The following KCTD7 variants were observed in gnomAD, a reference collection of about 807,000 sequenced individuals.
The protein encoded by KCTD7 is potassium channel tetramerization domain containing 7, also known as BTB/POZ domain-containing protein KCTD7.
In KCTD7, 15 loss-of-function variants were observed where a neutral mutation model predicts 27.0. That is an observed-to-expected ratio of 0.56 (90% CI 0.37 to 0.86). The LOEUF is 0.86. Ranked by LOEUF, KCTD7 falls within the 40% of genes least tolerant of loss-of-function variation. KCTD7 has a pLI of 0.00. For missense variants in KCTD7, 299 were observed against 398.9 expected (o/e 0.75, Z 2.13); for synonymous variants, 159 against 162.7 (o/e 0.98, Z 0.17).
rs980445767 is a variant in KCTD7 at position 66,640,309 on chromosome 7, C to T, written c.*1077C>T. The T allele has an allele frequency of 3.3e-6, 5 of 1,533,586 alleles. No homozygotes were observed. Among genetic ancestry groups the T allele is most frequent in the Non-Finnish European group, 4.4e-6 (5 of 1,144,990 alleles). The allele number at this position is 1,533,586 out of a possible 1,614,324, so 95.0% of individuals were successfully genotyped here. A position where few individuals can be genotyped will look rare whatever the true frequency, so the allele number is the denominator to read the frequency against. ...TTCCCTTTTGTTTTACTCCTCACTC[C>T]TCTATTTTTGTTTTACTCACTTCTT... On this transcript the variant is annotated 3_prime_UTR_variant, in exon 4 of 4. Coordinates refer to ENST00000639828, the MANE Select transcript of KCTD7 (RefSeq NM_153033.5).
At chr7:66,638,511 A>C in intron 3 of KCTD7, 80 bp downstream of exon 3, 1 of 1,422,818 alleles carries the variant, frequency 7.0e-7, no homozygotes, top group African/African-American at 1.4e-5. Flanking sequence ...TCTCCATCAG[A>C]ACACCGGGGG....
At chr7:66,630,800 A>C (rs1251570365) in intron 1 of KCTD7, among the ~76,000 whole-genome samples, 1 of 152,028 alleles carries the variant, frequency 6.6e-6, no homozygotes, top group Non-Finnish European at 1.5e-5. Context: ...CCAGGGCCCC[A>C]CCACCAGTTC....
At chr7:66,634,117 T>TATATAC (rs1554397961) in intron 2 of KCTD7, among the ~76,000 whole-genome samples, 5 of 132,664 alleles carry the variant, frequency 3.8e-5, no homozygotes, top group South Asian at 2.3e-4. Context: ...TGTATACATA[T>TATATAC]ATATATATAT....
At position 66,638,148 on chromosome 7, in the gene KCTD7, TAACACA is replaced by T. The variant is rs1584398981; in HGVS notation, c.315-104_315-99del. 68 of 1,185,608 alleles carry T rather than the reference TAACACA, an allele frequency of 5.7e-5. 1 individual carries two copies. The East Asian group carries it at 1.5e-3, about 27-fold the overall frequency. 73.4% of individuals were successfully genotyped at this position (1,185,608 alleles called of 1,614,324 possible). A position where few individuals can be genotyped will look rare whatever the true frequency, so the allele number is the denominator to read the frequency against. On this transcript the variant is annotated intron_variant, in intron 2 of 3. Transcript: ENST00000639828. The stretch of plus-strand genomic sequence containing the variant: ...AGTAGTTAAGTTCATTTACCCAGTG[TAACACA>T]GCTGGCAGTCTGGTTTTAGATTTTG...
At position 66,638,907 on chromosome 7, in the gene KCTD7, A is replaced by G; in HGVS notation, c.545A>G (p.Lys182Arg). ...GCCCGGCTGCGTGCGGTCCAGCGGA[A>G]GGCCCGCTTTGCCAAGCTCAAGGTC... ...EIARLRAVQR[K>R]ARFAKLKVCV... Residue 182 changes from lysine (K) to arginine (R), a missense_variant, in exon 4 of 4, where the codon AAG (lysine) becomes AGG (arginine). Physicochemically the swap from Lys to Arg is conservative, Grantham distance 26. Transcript: ENST00000639828. The G allele has an allele frequency of 1.2e-6, 2 of 1,614,170 alleles. No individual in the cohort carries two copies. The highest frequency in any genetic ancestry group is 1.1e-5 in the South Asian group (1 of 91,088).
chr7:66,633,641 T>C (rs1786507901), intron 2 of KCTD7, among the ~76,000 whole-genome samples, 197 bp downstream of exon 2: 1 of 151,734 alleles, frequency 6.6e-6, no homozygotes, highest in South Asian at 2.1e-4. Context: ...CCAGAGAAAT[T>C]CGAAATAACA....
Position 66,642,440 on chromosome 7 carries a change from A to G in KCTD7, c.*3208A>G. The G allele has an allele frequency of 2.0e-6, 2 of 985,412 alleles. No individual in the cohort carries two copies. 61.0% of individuals were successfully genotyped at this position (985,412 alleles called of 1,614,324 possible). ...CTGTTCTGGGCTGCTTGCTGGAGGA[A>G]TAGGAAGTGACATTTATAAGACACA... On this transcript the variant is annotated 3_prime_UTR_variant, in exon 4 of 4. Coordinates refer to ENST00000639828, the MANE Select transcript of KCTD7 (RefSeq NM_153033.5).
rs1584392905 is a variant in KCTD7 at position 66,629,211 on chromosome 7, A to G, written c.144+3A>G. The G allele has an allele frequency of 7.8e-7, 1 of 1,285,546 alleles. No homozygotes were observed. The highest frequency in any genetic ancestry group is 9.9e-7 in the Non-Finnish European group (1 of 1,006,864). 79.6% of individuals were successfully genotyped at this position (1,285,546 alleles called of 1,614,324 possible). Reference sequence around the variant, plus strand: ...CGCTGCCCCTGCTGCCACAGGAGGTACCCGGGCGGGCGGCGGGCCGCGGGG... The same window carrying G: ...CGCTGCCCCTGCTGCCACAGGAGGTGCCCGGGCGGGCGGCGGGCCGCGGGG... On this transcript the variant is annotated splice_donor_region_variant and intron_variant, in intron 1 of 3. Transcript: ENST00000639828.
In KCTD7 at chr7:66,640,353, T is replaced by A; in HGVS notation, c.*1121T>A. The A allele has an allele frequency of 6.5e-7, 1 of 1,536,960 alleles. No individual in the cohort carries two copies. The highest frequency in any genetic ancestry group is 8.7e-7 in the Non-Finnish European group (1 of 1,146,690). ...ACTTCTTTATATTTTGTTTTACTCC[T>A]CACTCCTGTATATTTTGGTTTACTT... On this transcript the variant is annotated 3_prime_UTR_variant, in exon 4 of 4. Transcript: ENST00000639828.
At chr7:66,629,716 AAAAG>A (rs1449119799) in intron 1 of KCTD7, among the ~76,000 whole-genome samples, 2 of 152,136 alleles carry the variant, frequency 1.3e-5, no homozygotes, top group Non-Finnish European at 2.9e-5. Flanking sequence ...ATGAATAAAA[AAAAG>A]AAAAGAAAAA....
In KCTD7 at chr7:66,641,605, C is replaced by T; in HGVS notation, c.*2373C>T. 3.0e-6 allele frequency: 3 copies of T among 985,446 alleles called. No homozygotes were observed. Among genetic ancestry groups the T allele is most frequent in the Non-Finnish European group, 3.6e-6 (3 of 829,946 alleles). The allele number at this position is 985,446 out of a possible 1,614,324, so 61.0% of individuals were successfully genotyped here. A position where few individuals can be genotyped will look rare whatever the true frequency, so the allele number is the denominator to read the frequency against. On this transcript the variant is annotated 3_prime_UTR_variant, in exon 4 of 4. Transcript: ENST00000639828. ...CTGTTTCTCTGACTCCCTTTGTGAT[C>T]CTCACAGTAATGTATTCTGTGCCAC...
chr7:66,640,554 G>GTC lies in KCTD7; in HGVS notation c.*1330_*1331dup, dbSNP rs971876368. ...AACATTTCCATGCTGCATTAAGGGTGTCTCTCTCTAATCATGATTGTACCT... is the reference window on the plus strand; with the variant it reads ...AACATTTCCATGCTGCATTAAGGGTGTCTCTCTCTCTAATCATGATTGTACCT... On this transcript the variant is annotated 3_prime_UTR_variant, in exon 4 of 4. Coordinates refer to ENST00000639828, the MANE Select transcript of KCTD7 (RefSeq NM_153033.5). 7.6e-6 allele frequency: 11 copies of GTC among 1,454,664 alleles called. No individual in the cohort carries two copies. Among genetic ancestry groups the GTC allele is most frequent in the Non-Finnish European group, 9.9e-6 (11 of 1,107,980 alleles). The allele number at this position is 1,454,664 out of a possible 1,614,324, so 90.1% of individuals were successfully genotyped here.
At chr7:66,634,634 C>T (rs1238666120) in intron 2 of KCTD7, among the ~76,000 whole-genome samples, 1 of 152,002 alleles carries the variant, frequency 6.6e-6, no homozygotes, top group Admixed American at 6.6e-5. Context: ...ATGGAGAGTA[C>T]CTTTAGACCT....
rs1023493281 is a variant in KCTD7 at position 66,639,454 on chromosome 7, C to T, written c.*222C>T. Reference sequence around the variant, plus strand: ...TGCGGCCTGCAGGCACTCCAGCCAGCGCTCACCTGGCCTTTCCTCAAGGCA... The same window carrying T: ...TGCGGCCTGCAGGCACTCCAGCCAGTGCTCACCTGGCCTTTCCTCAAGGCA... On this transcript the variant is annotated 3_prime_UTR_variant, in exon 4 of 4. Coordinates refer to ENST00000639828, the MANE Select transcript of KCTD7 (RefSeq NM_153033.5). 6.4e-5 allele frequency: 92 copies of T among 1,448,224 alleles called. No individual in the cohort carries two copies. Among genetic ancestry groups the T allele is most frequent in the Non-Finnish European group, 7.4e-5 (82 of 1,102,644 alleles). 89.7% of individuals were successfully genotyped at this position (1,448,224 alleles called of 1,614,324 possible).
At chr7:66,629,257 A>T in intron 1 of KCTD7, 49 bp downstream of exon 1, 1 of 763,180 alleles carries the variant, frequency 1.3e-6, no homozygotes, top group Non-Finnish European at 1.7e-6. Context: ...GGCGCGGGGG[A>T]GAAGCGGGCG....
Position 66,642,765 on chromosome 7 carries a change from C to CT in KCTD7, c.*3538dup. On this transcript the variant is annotated 3_prime_UTR_variant, in exon 4 of 4. Coordinates refer to ENST00000639828, the MANE Select transcript of KCTD7 (RefSeq NM_153033.5). Reference sequence around the variant, plus strand: ...GTTGGGAACTGGGGTGGGAGAGGCACTTTTTGGAATTCTGAAAGAATCATA... The same window carrying CT: ...GTTGGGAACTGGGGTGGGAGAGGCACTTTTTTGGAATTCTGAAAGAATCATA... 7.1e-6 allele frequency: 7 copies of CT among 984,946 alleles called. No homozygotes were observed. Among genetic ancestry groups the CT allele is most frequent in the Non-Finnish European group, 8.4e-6 (7 of 829,856 alleles). The allele number at this position is 984,946 out of a possible 1,614,324, so 61.0% of individuals were successfully genotyped here.
At position 66,628,966 on chromosome 7, in the gene KCTD7, G is replaced by T. The variant is rs1270004875; in HGVS notation, c.-99G>T. ...CTCGCCCCCCTCCGGCCAGCCCGCA[G>T]CCGGCCGCGTCATGCCAGGCGCTGC... On this transcript the variant is annotated 5_prime_UTR_variant, in exon 1 of 4. Transcript: ENST00000639828. 1.1e-5 allele frequency: 14 copies of T among 1,280,366 alleles called. No individual in the cohort carries two copies. Among genetic ancestry groups the T allele is most frequent in the Non-Finnish European group, 1.4e-5 (14 of 972,430 alleles). 79.3% of individuals were successfully genotyped at this position (1,280,366 alleles called of 1,614,324 possible). A position where few individuals can be genotyped will look rare whatever the true frequency, so the allele number is the denominator to read the frequency against.
Position 66,628,904 on chromosome 7 carries a change from T to G in KCTD7, c.-161T>G. Reference sequence around the variant, plus strand: ...CCAGCTGGGCGCGAGCGGGTCGGCGTTGAGGGAGCCACCGCCCTCCCGCCT... The same window carrying G: ...CCAGCTGGGCGCGAGCGGGTCGGCGGTGAGGGAGCCACCGCCCTCCCGCCT... On this transcript the variant is annotated 5_prime_UTR_variant, in exon 1 of 4. Transcript: ENST00000639828. 6 of 613,002 alleles carry G rather than the reference T, an allele frequency of 9.8e-6. No individual in the cohort carries two copies. The highest frequency in any genetic ancestry group is 1.5e-5 in the Non-Finnish European group (6 of 410,412). The allele number at this position is 613,002 out of a possible 1,614,324, so 38.0% of individuals were successfully genotyped here.
In KCTD7 at chr7:66,640,485, C is replaced by T. The variant is rs1429383107; in HGVS notation, c.*1253C>T. The stretch of plus-strand genomic sequence containing the variant: ...GCCAACTAGTCAGGGTCTGGACATG[C>T]ATCTCCTAAAGGAAGAACTGTGTAG... On this transcript the variant is annotated 3_prime_UTR_variant, in exon 4 of 4. Transcript: ENST00000639828. 3.6e-5 allele frequency: 55 copies of T among 1,534,488 alleles called. No individual in the cohort carries two copies. The highest frequency in any genetic ancestry group is 4.5e-5 in the Non-Finnish European group (51 of 1,145,804).
Sources: gnomAD v4.1 joint callset for allele counts (sites outside exome capture counted in the v4.1 genomes callset) on GRCh38, gnomAD v4.1.1 for gene constraint, MANE v1.5 for transcripts, NCBI Gene and HGNC (gene_info 2026-07-23, HGNC 2026-07-21) for gene names.